The following TAF2 variants were observed in gnomAD, a reference collection of about 807,000 sequenced individuals.
TAF2 encodes transcription initiation factor TFIID subunit 2.
In TAF2, 61 loss-of-function variants were observed where a neutral mutation model predicts 138.5. The observed-to-expected ratio is 0.44, with a 90% CI of 0.36 to 0.54. TAF2 has a LOEUF of 0.54. TAF2 is among the 20% of genes least tolerant of loss of function. The pLI is 0.00. For missense variants in TAF2, 1,090 were observed against 1,427.9 expected (o/e 0.76, Z 3.81); for synonymous variants, 475 against 469.9 (o/e 1.01, Z -0.14).
At chr8:119,738,688 T>C (rs1306570895) in intron 25 of TAF2, among the ~76,000 whole-genome samples, 1 of 152,136 alleles carries the variant, frequency 6.6e-6, no homozygotes, top group Non-Finnish European at 1.5e-5. Flanking sequence ...AGTTAACAAA[T>C]GTAAAACAAA....
intron 5 of TAF2, among the ~76,000 whole-genome samples, chr8:119,803,322 A>G (rs1319429621): frequency 6.6e-6 from 1 of 152,330 alleles, no homozygotes; most frequent in Non-Finnish European, 1.5e-5. Context: ...TAAAGTTTTT[A>G]AAAAAGAAGG....
At chr8:119,830,555 G>T (rs943074989) in intron 2 of TAF2, among the ~76,000 whole-genome samples, 1 of 152,098 alleles carries the variant, frequency 6.6e-6, no homozygotes, top group Non-Finnish European at 1.5e-5. Flanking sequence ...ACATAACCTA[G>T]GGAAGACTGC....
chr8:119,757,216 G>A (rs997853988), intron 21 of TAF2, among the ~76,000 whole-genome samples: 1 of 152,136 alleles, frequency 6.6e-6, no homozygotes, highest in Non-Finnish European at 1.5e-5. Flanking sequence ...ACATCCTCTT[G>A]TGCTTTGAAA....
At position 119,801,911 on chromosome 8, in the gene TAF2, A is replaced by G. The variant is rs145883652; in HGVS notation, c.675T>C (p.Tyr225=). 3.7e-6 allele frequency: 6 copies of G among 1,614,072 alleles called. No individual in the cohort carries two copies. In the African/African-American group the frequency reaches 6.7e-5, roughly 18 times the overall value. The change falls in exon 6 of 26, where the codon TAT becomes TAC. Residue 225 remains tyrosine, a synonymous_variant. Coordinates refer to ENST00000378164, the MANE Select transcript of TAF2 (RefSeq NM_003184.4). ...AAGTTTTCTTCCTCATATCATGAGT[A>G]TACACTGTCTCCACCAAATCGCCAT... ...VSNGDLVETV[Y]THDMRKKTFH...
intron 9 of TAF2, among the ~76,000 whole-genome samples, chr8:119,794,735 GT>G (rs1823699018): frequency 2.0e-5 from 3 of 152,194 alleles, no homozygotes; most frequent in Admixed American, 2.0e-4. Context: ...TTCTTTAATA[GT>G]TTCTGAAATA....
In TAF2 at chr8:119,731,712, T is replaced by G. The variant is rs1306792803; in HGVS notation, c.*212A>C. 3.4e-6 allele frequency: 2 copies of G among 587,340 alleles called. No homozygotes were observed. The highest frequency in any genetic ancestry group is 6.0e-6 in the Non-Finnish European group (2 of 332,390). The allele number at this position is 587,340 out of a possible 1,614,324, so 36.4% of individuals were successfully genotyped here. A position where few individuals can be genotyped will look rare whatever the true frequency, so the allele number is the denominator to read the frequency against. On this transcript the variant is annotated 3_prime_UTR_variant, in exon 26 of 26. Coordinates refer to ENST00000378164, the MANE Select transcript of TAF2 (RefSeq NM_003184.4). ...TTTGGGGAGGAAACAGCGGATGAAATAGTTTATCCAGAACTACAAAACACA... is the reference window on the plus strand; with the variant it reads ...TTTGGGGAGGAAACAGCGGATGAAAGAGTTTATCCAGAACTACAAAACACA...
chr8:119,828,910 C>A (rs368814004), intron 2 of TAF2, among the ~76,000 whole-genome samples: 1 of 152,178 alleles, frequency 6.6e-6, no homozygotes, highest in Non-Finnish European at 1.5e-5. Context: ...CCTCTGCCAG[C>A]GTAGCTCCAA....
chr8:119,815,279 C>CT (rs796422815), intron 3 of TAF2, among the ~76,000 whole-genome samples: 2,028 of 143,200 alleles, frequency 0.014, 24 homozygotes, highest in African/African-American at 0.036. Flanking sequence ...GGGACTTGGT[C>CT]TTTTTTTTTT....
chr8:119,815,268 C>A (rs1390337431), intron 3 of TAF2, among the ~76,000 whole-genome samples: 1 of 149,434 alleles, frequency 6.7e-6, no homozygotes, highest in Non-Finnish European at 1.5e-5. Flanking sequence ...GATGACAGAG[C>A]GGGACTTGGT....
chr8:119,760,378 C>CT, intron 20 of TAF2: 1 of 477,872 alleles, frequency 2.1e-6, no homozygotes, highest in Non-Finnish European at 3.6e-6. Flanking sequence ...AAACTGACTT[C>CT]TTGGAAAGGC....
chr8:119,825,156 A>C (rs1386676069), intron 2 of TAF2, among the ~76,000 whole-genome samples: 1 of 152,244 alleles, frequency 6.6e-6, no homozygotes, highest in East Asian at 1.9e-4. Context: ...AAACTATGGG[A>C]ACCTACCTCT....
At chr8:119,818,730 GT>G (rs374013557) in intron 3 of TAF2, among the ~76,000 whole-genome samples, 46,340 of 122,870 alleles carry the variant, frequency 0.38, 8,362 homozygotes, top group African/African-American at 0.55. Context: ...AAAAAATGAA[GT>G]CCACACACAC....
At chr8:119,785,414 A>G in intron 14 of TAF2, 148 bp from the exon 15 acceptor site, 1 of 623,892 alleles carries the variant, frequency 1.6e-6, no homozygotes, top group Admixed American at 2.9e-5. Context: ...TAAAATTTAA[A>G]TAGAACAAAG....
rs1297981463 is a variant in TAF2, at chr8:119,832,815, T to C, written c.-251A>G. ...TCTCCGCAAGGGCTCGAAGCTACCA[T>C]CCGCCGACATCTTGTCTGTAACCTC... On this transcript the variant is annotated 5_prime_UTR_variant, in exon 1 of 26. It removes an upstream start codon present in the reference 5' UTR. Transcript: ENST00000378164. 4.4e-6 allele frequency: 2 copies of C among 455,392 alleles called. No individual in the cohort carries two copies. Among genetic ancestry groups the C allele is most frequent in the Middle Eastern group, 5.8e-4 (1 of 1,732 alleles). 28.2% of individuals were successfully genotyped at this position (455,392 alleles called of 1,614,324 possible).
intron 13 of TAF2, 128 bp from the exon 14 acceptor site, chr8:119,788,575 T>C (rs1823198626): frequency 7.3e-6 from 4 of 546,280 alleles, no homozygotes; most frequent in Non-Finnish European, 1.2e-5. Flanking sequence ...GAGACCTAGA[T>C]AGGCAATTGG....
chr8:119,771,189 A>G (rs1322510008), intron 18 of TAF2, among the ~76,000 whole-genome samples: 2 of 152,198 alleles, frequency 1.3e-5, no homozygotes, highest in Non-Finnish European at 2.9e-5. Flanking sequence ...AAGGGATGGA[A>G]AAAGATATAC....
chr8:119,767,063 A>ACAGC (rs1461569253), intron 18 of TAF2: 12 of 152,330 alleles, frequency 7.9e-5, no homozygotes, highest in African/African-American at 2.9e-4. Flanking sequence ...CACAGAACTG[A>ACAGC]CAGCCACTTA....
chr8:119,807,750 C>G (rs1013191121), intron 3 of TAF2, among the ~76,000 whole-genome samples: 1 of 152,016 alleles, frequency 6.6e-6, no homozygotes, highest in African/African-American at 2.4e-5. Flanking sequence ...ATGGCGAAAC[C>G]CTCTCTACTA....
chr8:119,811,629 AC>A (rs1171873939), intron 3 of TAF2, among the ~76,000 whole-genome samples: 2 of 151,510 alleles, frequency 1.3e-5, no homozygotes, highest in African/African-American at 4.9e-5. Context: ...ACACGGTGAA[AC>A]CCCGTCTCTA....
Sources: gnomAD v4.1 joint callset for allele counts (sites outside exome capture counted in the v4.1 genomes callset) on GRCh38, gnomAD v4.1.1 for gene constraint, MANE v1.5 for transcripts, NCBI Gene and HGNC (gene_info 2026-07-23, HGNC 2026-07-21) for gene names.